Variants in PIAS2 observed in about 807,000 individuals in gnomAD.
PIAS2 encodes E3 SUMO-protein ligase PIAS2.
Under a neutral mutation model 69.7 loss-of-function variants are expected in PIAS2, and 19 were observed. That is an observed-to-expected ratio of 0.27 (90% CI 0.19 to 0.40). The LOEUF (loss-of-function observed/expected upper bound fraction) is 0.40, where lower values mean the gene tolerates loss of function less well. PIAS2 is among the 10% of genes least tolerant of loss of function. PIAS2 has a pLI of 1.00. For missense variants in PIAS2, 624 were observed against 757.0 expected (o/e 0.82, Z 2.06); for synonymous variants, 261 against 263.2 (o/e 0.99, Z 0.08).
At chr18:46,906,514 AAAGTAT>A (rs1486349969) in intron 1 of PIAS2, among the ~76,000 whole-genome samples, 2 of 152,216 alleles carry the variant, frequency 1.3e-5, no homozygotes, top group Non-Finnish European at 2.9e-5. Flanking sequence ...GTGCACCAGC[AAAGTAT>A]AATTATAAAA....
intron 3 of PIAS2, among the ~76,000 whole-genome samples, chr18:46,858,331 T>C (rs72909109): frequency 0.077 from 11,716 of 151,978 alleles, 488 homozygotes; most frequent in African/African-American, 0.1. Context: ...GAGAAAAAAC[T>C]GAATGGGCTT....
chr18:46,818,646 C>CA (rs1259797990), intron 12 of PIAS2, among the ~76,000 whole-genome samples: 3 of 151,828 alleles, frequency 2.0e-5, no homozygotes, highest in Non-Finnish European at 4.4e-5. Context: ...TTACTAATCA[C>CA]AAAAGAGCAC....
chr18:46,819,369 G>A (rs1243707260), intron 12 of PIAS2, among the ~76,000 whole-genome samples: 2 of 152,104 alleles, frequency 1.3e-5, no homozygotes, highest in Non-Finnish European at 2.9e-5. Context: ...TACAATTTGT[G>A]CTAGCTGGGT....
intron 11 of PIAS2, among the ~76,000 whole-genome samples, chr18:46,823,382 T>C (rs1162525533): frequency 1.3e-5 from 2 of 152,174 alleles, no homozygotes; most frequent in African/African-American, 4.8e-5. Flanking sequence ...GATTTTCTTT[T>C]GTTTTGATCC....
Position 46,813,753 on chromosome 18 carries a change from C to G in PIAS2, c.1687-1141G>C, listed in dbSNP as rs72905296. On this transcript the variant is annotated intron_variant, in intron 13 of 13. Transcript: ENST00000585916. ...GGGACAGCAACAAGTAAAATTCAGA[C>G]TGCTCTTCAAAAGAACAAGTTATTT... Among the ~76,000 whole-genome samples, 1,028 of 152,290 alleles carry G rather than the reference C, an allele frequency of 6.8e-3. 6 individuals carry two copies. Among genetic ancestry groups the G allele is most frequent in the Non-Finnish European group, 0.011 (746 of 68,022 alleles).
At chr18:46,915,909 C>G (rs1568934087) in intron 1 of PIAS2, among the ~76,000 whole-genome samples, 1 of 152,084 alleles carries the variant, frequency 6.6e-6, no homozygotes, top group African/African-American at 2.4e-5. Flanking sequence ...CATCCTAAAT[C>G]TAACGCATGA....
chr18:46,912,429 C>T (rs146427027), intron 1 of PIAS2, among the ~76,000 whole-genome samples: 254 of 152,308 alleles, frequency 1.7e-3, no homozygotes, highest in African/African-American at 4.9e-3. Flanking sequence ...TGTACATGTT[C>T]AGTACAGATG....
At chr18:46,836,804 A>G (rs1421418515) in intron 8 of PIAS2, among the ~76,000 whole-genome samples, 1 of 152,158 alleles carries the variant, frequency 6.6e-6, no homozygotes. Context: ...CAGTTTCCCT[A>G]TTTAGAGAAC....
Position 46,808,101 on chromosome 18 carries a change from T to C in PIAS2, c.*4332A>G, listed in dbSNP as rs1361355860. ...GCACATCCATAACAATGGAGTACCATAAAATTAATAATAGTTGACACAGTT... is the reference window on the plus strand; with the variant it reads ...GCACATCCATAACAATGGAGTACCACAAAATTAATAATAGTTGACACAGTT... On this transcript the variant is annotated 3_prime_UTR_variant, in exon 14 of 14. Transcript: ENST00000585916. 1 of 152,190 alleles carries C rather than the reference T, an allele frequency of 6.6e-6. No individual in the cohort carries two copies. The highest frequency in any genetic ancestry group is 6.5e-5 in the Admixed American group (1 of 15,278). The allele number at this position is 152,190 out of a possible 1,614,324, so 9.4% of individuals were successfully genotyped here.
chr18:46,844,659 A>T, intron 7 of PIAS2, 75 bp downstream of exon 7: 1 of 502,796 alleles, frequency 2.0e-6, no homozygotes, highest in Non-Finnish European at 3.4e-6. Context: ...AGCAATATTT[A>T]AAGCATTAAA....
chr18:46,909,381 G>C (rs1291148301), intron 1 of PIAS2, among the ~76,000 whole-genome samples: 2 of 152,098 alleles, frequency 1.3e-5, no homozygotes, highest in African/African-American at 2.4e-5. Flanking sequence ...CAAGTAGCTG[G>C]GACTACAGGT....
intron 2 of PIAS2, among the ~76,000 whole-genome samples, chr18:46,874,265 A>G (rs1303195643): frequency 2.6e-5 from 4 of 152,220 alleles, no homozygotes; most frequent in Non-Finnish European, 4.4e-5. Flanking sequence ...TAGGTCGCCT[A>G]AAGTATCTAC....
At chr18:46,897,517 C>T (rs2055087783) in intron 1 of PIAS2, among the ~76,000 whole-genome samples, 1 of 152,100 alleles carries the variant, frequency 6.6e-6, no homozygotes, top group African/African-American at 2.4e-5. Context: ...CATAATAATA[C>T]TTTAAAAATC....
intron 5 of PIAS2, among the ~76,000 whole-genome samples, chr18:46,848,734 T>C (rs551866490): frequency 6.6e-6 from 1 of 151,702 alleles, no homozygotes. Flanking sequence ...TTCAATAACT[T>C]GCATTATAAT....
chr18:46,877,739 T>C (rs1033635707), intron 2 of PIAS2, among the ~76,000 whole-genome samples: 4 of 152,228 alleles, frequency 2.6e-5, no homozygotes, highest in African/African-American at 9.6e-5. Flanking sequence ...ACCCCTTCCC[T>C]ACTTTGTTTG....
rs999238950 is a variant in PIAS2, at chr18:46,803,774, C to G, written c.*8659G>C. 2.0e-5 allele frequency: 3 copies of G among 152,160 alleles called. No individual in the cohort carries two copies. The highest frequency in any genetic ancestry group is 4.4e-5 in the Non-Finnish European group (3 of 68,026). 9.4% of individuals were successfully genotyped at this position (152,160 alleles called of 1,614,324 possible). A position where few individuals can be genotyped will look rare whatever the true frequency, so the allele number is the denominator to read the frequency against. On this transcript the variant is annotated 3_prime_UTR_variant, in exon 14 of 14. Coordinates refer to ENST00000585916, the MANE Select transcript of PIAS2 (RefSeq NM_004671.5). ...CCTCAGTACATAACCTAGAGTAGAT[C>G]ATATGAAGAATTTCTCCAGCCTTTT...
At position 46,917,432 on chromosome 18, in the gene PIAS2, C is replaced by T. The variant is rs1156971103; in HGVS notation, c.-87G>A. ...ACGCTGCCGCCACCACGGCCGCCGCCGCCTCCAGCACCATCCTGCACTGGG... is the reference window on the plus strand; with the variant it reads ...ACGCTGCCGCCACCACGGCCGCCGCTGCCTCCAGCACCATCCTGCACTGGG... On this transcript the variant is annotated 5_prime_UTR_variant, in exon 1 of 14. Transcript: ENST00000585916. The T allele has an allele frequency of 5.3e-5, 72 of 1,362,008 alleles. 1 individual carries two copies. In the South Asian group the frequency reaches 1.1e-3, roughly 22 times the overall value. The allele number at this position is 1,362,008 out of a possible 1,614,324, so 84.4% of individuals were successfully genotyped here.
Position 46,815,851 on chromosome 18 carries a change from C to T in PIAS2, c.1649-502G>A, listed in dbSNP as rs75384495. ...ATCAAGAGCAGTACATAGTCCAACG[C>T]TCTGCACAAAGCACACACTCGGGAA... On this transcript the variant is annotated intron_variant, in intron 12 of 13. Transcript: ENST00000585916. 460 of 986,496 alleles carry T rather than the reference C, an allele frequency of 4.7e-4. 1 individual carries two copies. In the East Asian group the frequency reaches 0.011, roughly 24 times the overall value. 61.1% of individuals were successfully genotyped at this position (986,496 alleles called of 1,614,324 possible).
At chr18:46,819,833 G>A (rs3826586) in intron 12 of PIAS2, among the ~76,000 whole-genome samples, 8,562 of 152,144 alleles carry the variant, frequency 0.056, 517 homozygotes, top group East Asian at 0.15. Flanking sequence ...GAGGGAAGAA[G>A]AGTAAAGGAG....
Sources: gnomAD v4.1 joint callset for allele counts (sites outside exome capture counted in the v4.1 genomes callset) on GRCh38, gnomAD v4.1.1 for gene constraint, MANE v1.5 for transcripts, NCBI Gene and HGNC (gene_info 2026-07-23, HGNC 2026-07-21) for gene names.